TCHH: variants seen among roughly 807,000 people sequenced by gnomAD.
The protein encoded by TCHH is trichohyalin.
In TCHH, 6 loss-of-function variants were observed where a neutral mutation model predicts 6.3. That is an observed-to-expected ratio of 0.95 (90% CI 0.52 to 1.88). The LOEUF (loss-of-function observed/expected upper bound fraction) is 1.88, where lower values mean the gene tolerates loss of function less well. Ranked by LOEUF, TCHH falls within the 40% of genes most tolerant of loss-of-function variation. TCHH has a pLI of 0.01. For missense variants in TCHH, 2,920 were observed against 2,449.1 expected (o/e 1.19, Z -4.06); for synonymous variants, 1,087 against 963.6 (o/e 1.13, Z -2.37).
Position 152,114,921 on chromosome 1 carries a change from G to T in TCHH, c.-32+470C>A, listed in dbSNP as rs77410632. 1.8e-3 allele frequency among the ~76,000 whole-genome samples: 269 copies of T among 152,308 alleles called. 11 individuals carry two copies. The East Asian group carries it at 0.038, about 22-fold the overall frequency. ...AATCTTGGCTTTTTATAAAACATTA[G>T]CCAGCAGTAGATCAATGTTATAAGA... On this transcript the variant is annotated intron_variant, in intron 1 of 2. Coordinates refer to ENST00000614923, the MANE Select transcript of TCHH (RefSeq NM_007113.4).
At position 152,107,356 on chromosome 1, in the gene TCHH, G is replaced by C. The variant is rs753661258; in HGVS notation, c.*29C>G. Reference sequence around the variant, plus strand: ...CTCATTTTCCCGTGCTCGAAGCTTTGGCAGGTGTCAAGATATTGGCAACAT... The same window carrying C: ...CTCATTTTCCCGTGCTCGAAGCTTTCGCAGGTGTCAAGATATTGGCAACAT... On this transcript the variant is annotated 3_prime_UTR_variant, in exon 3 of 3. Transcript: ENST00000614923. 4 of 1,512,536 alleles carry C rather than the reference G, an allele frequency of 2.6e-6. No individual in the cohort carries two copies. Among genetic ancestry groups the C allele is most frequent in the South Asian group, 2.8e-5 (2 of 72,638 alleles). 93.7% of individuals were successfully genotyped at this position (1,512,536 alleles called of 1,614,324 possible).
chr1:152,109,389 C>T lies in TCHH; in HGVS notation c.3828G>A (p.Glu1276=), dbSNP rs2101526567. 2 of 1,614,282 alleles carry T rather than the reference C, an allele frequency of 1.2e-6. No individual in the cohort carries two copies. The highest frequency in any genetic ancestry group is 1.7e-6 in the Non-Finnish European group (2 of 1,180,052). Residue 1276 remains glutamate, a synonymous_variant, in exon 3 of 3, where the codon GAG becomes GAA. Coordinates refer to ENST00000614923, the MANE Select transcript of TCHH (RefSeq NM_007113.4). ...DLQHLLGEQQ[E]RDREQERRRW... ...GCCTCCTCTCTTGCTCACGATCTCG[C>T]TCTTGCTGTTCACCCAGCAGGTGCT...
rs748302410 is a variant in TCHH at position 152,108,560 on chromosome 1, G to C, written c.4657C>G (p.Arg1553Gly). ...TCCTCCTCGCGGAATTTTCTGTCAC[G>C]GTCCTGACGCCGCTGTTGCCCGCGC... ...QERGQQRRQD[R>G]DRKFREEEQL... is the part of the protein sequence containing the mutation. The change falls in exon 3 of 3, where the codon CGT becomes GGT. Residue 1553 changes from arginine (R) to glycine (G), a missense_variant. Arg to Gly is a moderately radical substitution (Grantham distance 125). Transcript: ENST00000614923. The C allele has an allele frequency of 6.2e-7, 1 of 1,603,550 alleles. No individual in the cohort carries two copies. Among genetic ancestry groups the C allele is most frequent in the Admixed American group, 1.7e-5 (1 of 58,652 alleles).
Position 152,107,425 on chromosome 1 carries a change from T to TA in TCHH, c.5791dup (p.Tyr1931LeufsTer2). ...AGATCTCTGCTCTTGGATGTACTCATAGAGAGGGCTGGAGCGCACTGGGAC... is the reference window on the plus strand; with the variant it reads ...AGATCTCTGCTCTTGGATGTACTCATAAGAGAGGGCTGGAGCGCACTGGGAC... On this transcript the variant is annotated frameshift_variant, in exon 3 of 3. Transcript: ENST00000614923. LOFTEE classifies it high-confidence loss of function. The TA allele has an allele frequency of 6.2e-7, 1 of 1,607,536 alleles. No individual in the cohort carries two copies. Among genetic ancestry groups the TA allele is most frequent in the South Asian group, 1.1e-5 (1 of 90,140 alleles).
chr1:152,109,058 C>G lies in TCHH; in HGVS notation c.4159G>C (p.Glu1387Gln), dbSNP rs762887502. 8 of 1,612,888 alleles carry G rather than the reference C, an allele frequency of 5.0e-6. No homozygotes were observed. Among genetic ancestry groups the G allele is most frequent in the East Asian group, 2.2e-5 (1 of 44,728 alleles). ...TCCTTAAGGAATTTTCTCTCCCGTT[C>G]CTGGCGGCGCAGCCGCTGTTCCTCC... ...LEEEQRLRRQ[E>Q]RERKFLKEEQ... is the part of the protein sequence containing the mutation. Residue 1387 changes from glutamate (E) to glutamine (Q), a missense_variant, in exon 3 of 3, where the codon GAA (glutamate) becomes CAA (glutamine). Coordinates refer to ENST00000614923, the MANE Select transcript of TCHH (RefSeq NM_007113.4).
Position 152,115,101 on chromosome 1 carries a change from A to G in TCHH, c.-32+290T>C, listed in dbSNP as rs78461283. On this transcript the variant is annotated intron_variant, in intron 1 of 2. Coordinates refer to ENST00000614923, the MANE Select transcript of TCHH (RefSeq NM_007113.4). ...TGTAAAAGAGAACAGAAGGCTGGCA[A>G]ACTTTTGAGATAGCAGTTTTTAGGA... Among the ~76,000 whole-genome samples, 270 of 152,322 alleles carry G rather than the reference A, an allele frequency of 1.8e-3. 11 individuals are homozygous for G. The East Asian group carries it at 0.039, about 22-fold the overall frequency.
In TCHH at chr1:152,112,799, T is replaced by C. The variant is rs1234716731; in HGVS notation, c.418A>G (p.Lys140Glu). ...AGCTCCCTCTCCTGTTCCTGCCTCT[T>C]CTGCCTGCGTCGTTGCCCAGGTTCT... ...EEEPGQRRRQ[K>E]RQEQERELAE... The change falls in exon 3 of 3, where the codon AAG (lysine) becomes GAG (glutamate). Residue 140 changes from lysine to glutamate, a missense_variant. Lys to Glu is a moderately conservative substitution (Grantham distance 56, BLOSUM62 1). Transcript: ENST00000614923. The C allele has an allele frequency of 6.2e-7, 1 of 1,613,904 alleles. No homozygotes were observed. Among genetic ancestry groups the C allele is most frequent in the African/African-American group, 1.3e-5 (1 of 74,882 alleles).
chr1:152,111,803 G>T lies in TCHH; in HGVS notation c.1414C>A (p.Arg472Ser). The part of the protein sequence containing the change: ...EETERHEQER[R>S]KQQLKRDQEE... Reference sequence around the variant, plus strand: ...TGGTCGCGCTTCAGCTGCTGCTTGCGCCTCTCCTGCTCGTGCCTCTCCGTC... The same window carrying T: ...TGGTCGCGCTTCAGCTGCTGCTTGCTCCTCTCCTGCTCGTGCCTCTCCGTC... The change falls in exon 3 of 3, where the codon CGC becomes AGC. Residue 472 changes from arginine to serine, a missense_variant. Transcript: ENST00000614923. The T allele has an allele frequency of 1.3e-6, 2 of 1,590,958 alleles. No individual in the cohort carries two copies. Among genetic ancestry groups the T allele is most frequent in the Non-Finnish European group, 1.7e-6 (2 of 1,174,466 alleles).
rs1658319991 is a variant in TCHH at position 152,110,994 on chromosome 1, G to C, written c.2223C>G (p.Arg741=). The C allele has an allele frequency of 1.9e-6, 3 of 1,612,852 alleles. No homozygotes were observed. The African/African-American group carries it at 4.0e-5, about 22-fold the overall frequency. Reference sequence around the variant, plus strand: ...CCTGCCATTGCAGCTCACTCTCCCGGCGCCGCCTCTTTTCCTCCTGCTCTT... The same window carrying C: ...CCTGCCATTGCAGCTCACTCTCCCGCCGCCGCCTCTTTTCCTCCTGCTCTT... ...RRQEQEEKRR[R]RESELQWQEE... The change falls in exon 3 of 3, where the codon CGC becomes CGG. Residue 741 remains arginine, a synonymous_variant. Transcript: ENST00000614923.
Position 152,111,730 on chromosome 1 carries a change from C to A in TCHH, c.1487G>T (p.Arg496Met). Residue 496 changes from arginine (R) to methionine (M), a missense_variant, in exon 3 of 3, where the codon AGG becomes ATG. By Grantham distance (91) the Arg-to-Met change is moderately conservative. Coordinates refer to ENST00000614923, the MANE Select transcript of TCHH (RefSeq NM_007113.4). ...ERWLKLEEEE[R>M]REQQERREQQ... is the part of the protein sequence containing the mutation. ...CTCGCGCCTCTCCTGCTGCTCGCGC[C>A]TCTCCTCCTCCTCGAGCTTCAGCCA... is the stretch of plus-strand genomic sequence containing the variant. 1.3e-6 allele frequency: 2 copies of A among 1,594,336 alleles called. No individual in the cohort carries two copies. Among genetic ancestry groups the A allele is most frequent in the Non-Finnish European group, 1.7e-6 (2 of 1,169,838 alleles).
rs11803731 is a variant in TCHH at position 152,110,849 on chromosome 1, A to G, written c.2368T>C (p.Leu790=). 1 of 1,608,750 alleles carries G rather than the reference A, an allele frequency of 6.2e-7. No individual in the cohort carries two copies. ...AGCTGCCTCTCCCGCTGCTCCCGCA[A>G]TGGGGGCCTGGCCGACAGCCTCTGA... ...GRQRLSARPP[L]REQRERQLRA... Residue 790 remains leucine (L), a synonymous_variant, in exon 3 of 3, where the codon TTG becomes CTG. Coordinates refer to ENST00000614923, the MANE Select transcript of TCHH (RefSeq NM_007113.4).
In TCHH at chr1:152,108,719, C is replaced by A. The variant is rs531134523; in HGVS notation, c.4498G>T (p.Asp1500Tyr). The A allele has an allele frequency of 2.1e-5, 34 of 1,612,206 alleles. No homozygotes were observed. In the South Asian group the frequency reaches 3.4e-4, roughly 16 times the overall value. Reference protein sequence around the residue: ...EEQQLRRQERDRKFREQELRS... With the variant: ...EEQQLRRQERYRKFREQELRS... ...AGTTCCTGTTCGCGGAATTTTCTGT[C>A]ACGCTCTTGGCGGCGCAGCTGTTGT... The change falls in exon 3 of 3, where the codon GAC (aspartate) becomes TAC (tyrosine). Residue 1500 changes from aspartate (D) to tyrosine (Y), a missense_variant. By Grantham distance (160) the Asp-to-Tyr change is radical. Coordinates refer to ENST00000614923, the MANE Select transcript of TCHH (RefSeq NM_007113.4).
rs748899185 is a variant in TCHH at position 152,110,923 on chromosome 1, C to T, written c.2294G>A (p.Arg765Gln). The change falls in exon 3 of 3, where the codon CGG becomes CAG. Residue 765 changes from arginine (R) to glutamine (Q), a missense_variant. Arg to Gln is a conservative substitution (Grantham distance 43). Transcript: ENST00000614923. ...HRQQQEEEQR[R>Q]DFTWQWQAEE... ...CGCCTGCCACTGCCATGTGAAGTCC[C>T]GGCGCTGCTCCTCTTCCTGCTGCTG... 7 of 1,613,004 alleles carry T rather than the reference C, an allele frequency of 4.3e-6. No individual in the cohort carries two copies. The highest frequency in any genetic ancestry group is 4.0e-5 in the African/African-American group (3 of 74,890).
rs375852427 is a variant in TCHH, at chr1:152,109,653, C to A, written c.3564G>T (p.Gln1188His). The change falls in exon 3 of 3, where the codon CAG becomes CAT. Residue 1188 changes from glutamine (Q) to histidine (H), a missense_variant. Transcript: ENST00000614923. ...QEEEQLLREE[Q>H]EKRRQERERQ... is the part of the protein sequence containing the mutation. ...TCTCCCGCTCCTGGCGCCTTTTCTC[C>A]TGTTCCTCTCTCAGCAGCTGCTCTT... The A allele has an allele frequency of 1.9e-6, 3 of 1,610,164 alleles. No homozygotes were observed. The African/African-American group carries it at 4.0e-5, about 22-fold the overall frequency.
rs1312593306 is a variant in TCHH, at chr1:152,107,705, G to A, written c.5512C>T (p.Arg1838Trp). Residue 1838 changes from arginine to tryptophan, a missense_variant, in exon 3 of 3, where the codon CGG (arginine) becomes TGG (tryptophan). Physicochemically the swap from Arg to Trp is moderately radical, Grantham distance 101. Transcript: ENST00000614923. ...LQLEEQEQRL[R>W]QERDRQYRAE... is the part of the protein sequence containing the mutation. The stretch of plus-strand genomic sequence containing the variant: ...CGGTACTGCCGGTCTCGCTCCTGCC[G>A]CAGCCTCTGCTCTTGTTCCTCAAGT... 8 of 1,614,170 alleles carry A rather than the reference G, an allele frequency of 5.0e-6. No individual in the cohort carries two copies. The South Asian group carries it at 6.6e-5, about 13-fold the overall frequency.
In TCHH at chr1:152,111,870, G is replaced by T. The variant is rs1195580029; in HGVS notation, c.1347C>A (p.Arg449=). The T allele has an allele frequency of 6.3e-7, 1 of 1,577,616 alleles. No individual in the cohort carries two copies. Among genetic ancestry groups the T allele is most frequent in the Admixed American group, 1.8e-5 (1 of 56,504 alleles). The part of the protein sequence containing the change: ...EQERREQRLK[R]EQEERRDWLK... Reference sequence around the variant, plus strand: ...GCCAATCGCGCCTCTCCTCCTGCTCGCGCTTCAGCCGCTGCTCGCGCCTCT... The same window carrying T: ...GCCAATCGCGCCTCTCCTCCTGCTCTCGCTTCAGCCGCTGCTCGCGCCTCT... Residue 449 remains arginine, a synonymous_variant, in exon 3 of 3, where the codon CGC becomes CGA. Coordinates refer to ENST00000614923, the MANE Select transcript of TCHH (RefSeq NM_007113.4).
Position 152,110,463 on chromosome 1 carries a change from G to C in TCHH, c.2754C>G (p.Arg918=). 6.2e-7 allele frequency: 1 copy of C among 1,613,714 alleles called. No individual in the cohort carries two copies. Among genetic ancestry groups the C allele is most frequent in the Non-Finnish European group, 8.5e-7 (1 of 1,179,928 alleles). The change falls in exon 3 of 3, where the codon CGC becomes CGG. Residue 918 remains arginine (R), a synonymous_variant. Transcript: ENST00000614923. ...EEEEELQREE[R]EKRRRQEQER... is the part of the protein sequence containing the mutation. ...CCTGTTCTTGGCGCCTTCTCTTCTC[G>C]CGCTCCTCTCTCTGTAGCTCCTCCT...
Position 152,109,830 on chromosome 1 carries a change from C to T in TCHH, c.3387G>A (p.Glu1129=), listed in dbSNP as rs1658261281. Residue 1129 remains glutamate, a synonymous_variant, in exon 3 of 3, where the codon GAG becomes GAA. Coordinates refer to ENST00000614923, the MANE Select transcript of TCHH (RefSeq NM_007113.4). ...TCTCCAGCTCCTGGCGCCTTCTCTT[C>T]TCCCGTTCCTCTCTCAGCAGCTGCT... ...EEEQLLREER[E]KRRRQELERQ... is the part of the protein sequence containing the mutation. 2 of 1,610,064 alleles carry T rather than the reference C, an allele frequency of 1.2e-6. No individual in the cohort carries two copies. Among genetic ancestry groups the T allele is most frequent in the South Asian group, 1.1e-5 (1 of 90,480 alleles).
chr1:152,111,384 C>A lies in TCHH; in HGVS notation c.1833G>T (p.Glu611Asp). The A allele has an allele frequency of 1.9e-6, 3 of 1,610,236 alleles. No homozygotes were observed. The highest frequency in any genetic ancestry group is 2.5e-6 in the Non-Finnish European group (3 of 1,178,910). Residue 611 changes from glutamate to aspartate, a missense_variant, in exon 3 of 3, where the codon GAG becomes GAT. Transcript: ENST00000614923. ...GCCGCTGCTCGCGCCTCTCCTCCTG[C>A]TCGAGTCTCTCCACCTCCTCGCGCT... ...RLKREEVERL[E>D]QEERREQRLK...
Sources: gnomAD v4.1 joint callset for allele counts (sites outside exome capture counted in the v4.1 genomes callset) on GRCh38, gnomAD v4.1.1 for gene constraint, MANE v1.5 for transcripts, NCBI Gene and HGNC (gene_info 2026-07-23, HGNC 2026-07-21) for gene names.